The following CSMD2 variants were observed in gnomAD, a reference collection of about 807,000 sequenced individuals.
CSMD2 encodes CUB and Sushi multiple domains 2, also known as CUB and sushi domain-containing protein 2.
Under a neutral mutation model 398.5 loss-of-function variants are expected in CSMD2, and 130 were observed. The ratio of observed to expected loss-of-function variants is 0.33; its 90% confidence interval spans 0.28 to 0.38. The LOEUF (loss-of-function observed/expected upper bound fraction) is 0.38. CSMD2 is among the 10% of genes least tolerant of loss of function. The pLI, the probability that CSMD2 is intolerant of heterozygous loss-of-function variation, is 1.00. For missense variants in CSMD2, 3,829 were observed against 4,764.9 expected (o/e 0.80, Z 5.78); for synonymous variants, 1,828 against 1,908.5 (o/e 0.96, Z 1.10).
intron 3 of CSMD2, among the ~76,000 whole-genome samples, chr1:34,025,251 C>T (rs1315894861): frequency 6.9e-6 from 1 of 145,560 alleles, no homozygotes; most frequent in African/African-American, 2.6e-5. Context: ...CAAAAGCATA[C>T]CAGGGTTTTG....
intron 3 of CSMD2, among the ~76,000 whole-genome samples, chr1:34,004,329 T>C (rs1646993270): frequency 1.3e-5 from 2 of 152,168 alleles, no homozygotes; most frequent in Non-Finnish European, 2.9e-5. Context: ...TTCCCTTTCG[T>C]GTTAAAATTT....
intron 2 of CSMD2, among the ~76,000 whole-genome samples, chr1:34,086,848 A>G (rs1356416038): frequency 6.6e-6 from 1 of 152,078 alleles, no homozygotes; most frequent in East Asian, 1.9e-4. Flanking sequence ...TGCATGGCCT[A>G]TGAGGCCCTG....
At chr1:34,160,723 G>C (rs1202522135) in intron 1 of CSMD2, among the ~76,000 whole-genome samples, 1 of 152,080 alleles carries the variant, frequency 6.6e-6, no homozygotes, top group Non-Finnish European at 1.5e-5. Context: ...AATATATAAG[G>C]CAGACAAATA....
chr1:33,982,890 G>C (rs925690661), intron 3 of CSMD2, among the ~76,000 whole-genome samples: 3 of 152,198 alleles, frequency 2.0e-5, no homozygotes, highest in Non-Finnish European at 2.9e-5. Flanking sequence ...CAGACCCTAG[G>C]AGTCCAAGGG....
chr1:34,076,928 A>AATATATATATAT (rs1177320523), intron 2 of CSMD2, among the ~76,000 whole-genome samples: 3 of 53,596 alleles, frequency 5.6e-5, no homozygotes, highest in African/African-American at 2.6e-4. Context: ...AAAAAAAAAA[A>AATATATATATAT]ATATATATAT....
intron 3 of CSMD2, 75 bp downstream of exon 3, chr1:34,032,519 G>A (rs1421792867): frequency 1.1e-6 from 1 of 933,616 alleles, no homozygotes; most frequent in Non-Finnish European, 1.6e-6. Flanking sequence ...CTGCATCTGT[G>A]AGCAATGCAG....
Position 33,635,158 on chromosome 1 carries a change from T to C in CSMD2, c.5086+56A>G. On this transcript the variant is annotated intron_variant, in intron 31 of 70. Coordinates refer to ENST00000373381, the MANE Select transcript of CSMD2 (RefSeq NM_001281956.2). The surrounding 1 kb of genome is among the most constrained non-coding windows in gnomAD (Gnocchi z 5.0). ...GAGGCGTCTGAGGAATTGCTCATTT[T>C]GGAATGAGGGTGAGGAGTCAGAAAA... The C allele has an allele frequency of 9.2e-7, 1 of 1,085,536 alleles. No individual in the cohort carries two copies. The highest frequency in any genetic ancestry group is 1.4e-6 in the Non-Finnish European group (1 of 714,562). The allele number at this position is 1,085,536 out of a possible 1,614,324, so 67.2% of individuals were successfully genotyped here.
chr1:34,059,320 C>G (rs1307716938), intron 2 of CSMD2, among the ~76,000 whole-genome samples: 1 of 152,160 alleles, frequency 6.6e-6, no homozygotes, highest in Non-Finnish European at 1.5e-5. Context: ...CCTCAAAAGG[C>G]CACCACCTTC....
At chr1:33,570,471 T>C (rs557541385) in intron 51 of CSMD2, among the ~76,000 whole-genome samples, 1 of 152,124 alleles carries the variant, frequency 6.6e-6, no homozygotes, top group African/African-American at 2.4e-5. Flanking sequence ...ATCACAGGCA[T>C]TGGAAGACAC....
Position 33,657,960 on chromosome 1 carries a change from G to A in CSMD2, c.4433C>T (p.Pro1478Leu), listed in dbSNP as rs374808207. The change falls in exon 27 of 71, where the codon CCG (proline) becomes CTG (leucine). Residue 1478 changes from proline to leucine, a missense_variant. Pro to Leu is a moderately conservative substitution (Grantham distance 98). Transcript: ENST00000373381. ...CTGCTTTGTACCGATGCATGTTGGCGGGCTGGGCTGCCAGAAGAACCTGTT... is the reference window on the plus strand; with the variant it reads ...CTGCTTTGTACCGATGCATGTTGGCAGGCTGGGCTGCCAGAAGAACCTGTT... The part of the protein sequence containing the change: ...IENRFFWQPS[P>L]PTCIAPCGGD... 1.5e-5 allele frequency: 24 copies of A among 1,613,666 alleles called. No homozygotes were observed. The highest frequency in any genetic ancestry group is 1.8e-5 in the Non-Finnish European group (21 of 1,179,672).
At chr1:33,837,949 A>C (rs1164219920) in intron 6 of CSMD2, among the ~76,000 whole-genome samples, 1 of 152,258 alleles carries the variant, frequency 6.6e-6, no homozygotes, top group African/African-American at 2.4e-5. Context: ...TAGCTAGAAG[A>C]ATCTGGCAAT....
chr1:33,670,133 G>C (rs1477197651), intron 25 of CSMD2, among the ~76,000 whole-genome samples: 1 of 152,180 alleles, frequency 6.6e-6, no homozygotes, highest in Non-Finnish European at 1.5e-5. Flanking sequence ...CCAGTGGGGA[G>C]CTTTTCCACA....
At chr1:33,587,632 G>A (rs1322683562) in intron 44 of CSMD2, among the ~76,000 whole-genome samples, 1 of 152,232 alleles carries the variant, frequency 6.6e-6, no homozygotes, top group African/African-American at 2.4e-5. Flanking sequence ...CCCAAACCCT[G>A]TATTCTTCCC....
chr1:34,156,181 T>C (rs931596753), intron 1 of CSMD2, among the ~76,000 whole-genome samples: 5 of 152,166 alleles, frequency 3.3e-5, no homozygotes, highest in African/African-American at 4.8e-5. Context: ...TAAACTGTCA[T>C]CTCTTTCTTA....
intron 25 of CSMD2, among the ~76,000 whole-genome samples, chr1:33,683,200 C>G (rs1397676409): frequency 6.7e-6 from 1 of 148,454 alleles, no homozygotes; most frequent in Non-Finnish European, 1.5e-5. Context: ...TAATCACTGT[C>G]TGTCTATTTC....
intron 2 of CSMD2, among the ~76,000 whole-genome samples, chr1:34,033,668 G>T (rs1395596156): frequency 6.6e-6 from 1 of 152,170 alleles, no homozygotes; most frequent in Non-Finnish European, 1.5e-5. Context: ...ACCCAGGTAG[G>T]AATCTAGGAG....
chr1:33,846,366 T>C (rs913029658), intron 6 of CSMD2, among the ~76,000 whole-genome samples: 1 of 152,234 alleles, frequency 6.6e-6, no homozygotes, highest in Non-Finnish European at 1.5e-5. Context: ...AATATATTCA[T>C]GTTTTAGATA....
chr1:33,652,947 C>T (rs1367502212), intron 27 of CSMD2, among the ~76,000 whole-genome samples: 1 of 152,088 alleles, frequency 6.6e-6, no homozygotes. Flanking sequence ...TTAGTAGATA[C>T]AGGGTTTCAC....
chr1:33,746,822 A>G (rs1240329140), intron 13 of CSMD2, among the ~76,000 whole-genome samples: 1 of 152,198 alleles, frequency 6.6e-6, no homozygotes, highest in Non-Finnish European at 1.5e-5. Context: ...TGACATGAAC[A>G]TGTGGGTCTC....
Sources: allele counts gnomAD v4.1 joint callset (sites outside exome capture counted in the v4.1 genomes callset), GRCh38; gene constraint gnomAD v4.1.1; non-coding constraint Gnocchi (gnomAD v3.1); transcripts MANE v1.5; gene names NCBI Gene and HGNC (gene_info 2026-07-23, HGNC 2026-07-21).